DCAF1: variants seen among roughly 807,000 people sequenced by gnomAD.
DCAF1 encodes the protein DDB1- and CUL4-associated factor 1.
DCAF1 carries 15 observed loss-of-function variants against 128.0 expected under a neutral mutation model. The ratio of observed to expected loss-of-function variants is 0.12; its 90% confidence interval spans 0.08 to 0.18. The LOEUF (loss-of-function observed/expected upper bound fraction) is 0.18, where lower values mean the gene tolerates loss of function less well. Ranked by LOEUF, DCAF1 falls within the 10% of genes least tolerant of loss-of-function variation. The pLI, the probability that DCAF1 is intolerant of heterozygous loss-of-function variation, is 1.00. For missense variants in DCAF1, 988 were observed against 1,649.5 expected, an observed-to-expected ratio of 0.60 and a Z score of 6.95; for synonymous variants, 610 against 603.0, an observed-to-expected ratio of 1.01 and a Z score of -0.17.
chr3:51,436,479 T>C (rs1700844825), intron 9 of DCAF1: 1 of 514,954 alleles, frequency 1.9e-6, no homozygotes, highest in Non-Finnish European at 3.9e-6. Flanking sequence ...TCTTGTACTT[T>C]TCTTTCTTGC....
intron 13 of DCAF1, 61 bp downstream of exon 13, chr3:51,427,311 C>A: frequency 6.3e-6 from 4 of 636,322 alleles, no homozygotes; most frequent in South Asian, 4.1e-5. Flanking sequence ...ATGTGCAAAC[C>A]AACATCAACT....
At chr3:51,443,298 T>G (rs1553639390) in intron 7 of DCAF1, among the ~76,000 whole-genome samples, 2 of 152,068 alleles carry the variant, frequency 1.3e-5, no homozygotes, top group Non-Finnish European at 2.9e-5. Flanking sequence ...AGATTAAAAG[T>G]AGCTATTTTC....
At chr3:51,402,825 C>T (rs2106854542) in intron 24 of DCAF1, among the ~76,000 whole-genome samples, 1 of 152,270 alleles carries the variant, frequency 6.6e-6, no homozygotes, top group South Asian at 2.1e-4. Context: ...CCACCCGCCT[C>T]AGCCTCCAAA....
chr3:51,417,915 A>G (rs1284525609), intron 17 of DCAF1, among the ~76,000 whole-genome samples: 15 of 152,034 alleles, frequency 9.9e-5, no homozygotes, highest in Non-Finnish European at 1.5e-5. Context: ...CATAATGAGA[A>G]TGTATATACC....
At chr3:51,409,657 T>C (rs1698224320) in intron 23 of DCAF1, among the ~76,000 whole-genome samples, 1 of 152,218 alleles carries the variant, frequency 6.6e-6, no homozygotes, top group Admixed American at 6.5e-5. Context: ...CATACCATTG[T>C]AATGTACGCG....
intron 2 of DCAF1, among the ~76,000 whole-genome samples, chr3:51,493,671 CA>C (rs1470779892): frequency 2.0e-5 from 3 of 151,952 alleles, no homozygotes; most frequent in Non-Finnish European, 1.5e-5. Context: ...AAAGCAGACA[CA>C]AAAGGGCACA....
At chr3:51,427,719 AT>A in intron 12 of DCAF1, among the ~76,000 whole-genome samples, 178 bp from the exon 13 acceptor site, 1 of 152,130 alleles carries the variant, frequency 6.6e-6, no homozygotes, top group African/African-American at 2.4e-5. Context: ...TGTAGCCTCA[AT>A]CTCCCAGGCT....
intron 6 of DCAF1, among the ~76,000 whole-genome samples, chr3:51,462,243 G>A (rs1313924753): frequency 1.3e-5 from 2 of 151,816 alleles, no homozygotes; most frequent in African/African-American, 2.4e-5. Context: ...CCAACATGGT[G>A]AAACGCTGTC....
rs1292243860 is a variant in DCAF1, at chr3:51,403,160, T to G, written c.4448A>C (p.Glu1483Ala). 1 of 1,613,072 alleles carries G rather than the reference T, an allele frequency of 6.2e-7. No individual in the cohort carries two copies. The highest frequency in any genetic ancestry group is 8.5e-7 in the Non-Finnish European group (1 of 1,179,490). ...DEDSDADEEVELILGDTDSSD... is the reference protein window; with the variant it reads ...DEDSDADEEVALILGDTDSSD... Reference sequence around the variant, plus strand: ...ATACTTACTGTCCCCCAGGATCAGTTCCACCTCCTCATCTGCATCAGAGTC... The same window carrying G: ...ATACTTACTGTCCCCCAGGATCAGTGCCACCTCCTCATCTGCATCAGAGTC... The change falls in exon 24 of 25, where the codon GAA (glutamate) becomes GCA (alanine). Residue 1483 changes from glutamate (E) to alanine (A), a missense_variant. Coordinates refer to ENST00000684031, the MANE Select transcript of DCAF1 (RefSeq NM_001387579.1).
intron 2 of DCAF1, among the ~76,000 whole-genome samples, chr3:51,484,682 C>CT (rs1228009412): frequency 0.051 from 6,436 of 127,052 alleles, 558 homozygotes; most frequent in East Asian, 0.33. Flanking sequence ...TTAATTTTTT[C>CT]TTTTTTTTTT....
At chr3:51,471,032 C>T in intron 3 of DCAF1, 27 bp from the exon 4 acceptor site, 1 of 1,531,208 alleles carries the variant, frequency 6.5e-7, no homozygotes, top group Non-Finnish European at 8.9e-7. Flanking sequence ...AAGGGGTCAA[C>T]TCTGGACAAG....
At chr3:51,491,985 A>G (rs1707703002) in intron 2 of DCAF1, among the ~76,000 whole-genome samples, 2 of 151,644 alleles carry the variant, frequency 1.3e-5, no homozygotes, top group South Asian at 2.1e-4. Context: ...GTGAAACCCC[A>G]TCTCTACTAA....
chr3:51,439,157 C>CA (rs528820218), intron 9 of DCAF1, among the ~76,000 whole-genome samples: 93 of 152,070 alleles, frequency 6.1e-4, no homozygotes, highest in African/African-American at 2.2e-3. Flanking sequence ...TTTTCAGAGA[C>CA]AGAGTCTCAC....
intron 15 of DCAF1, among the ~76,000 whole-genome samples, chr3:51,419,466 A>G (rs900858923): frequency 6.6e-6 from 1 of 152,182 alleles, no homozygotes; most frequent in Non-Finnish European, 1.5e-5. Context: ...CAAGTTTGGG[A>G]GCCTCCTTAT....
rs762007523 is a variant in DCAF1, at chr3:51,422,405, T to C, written c.1874A>G (p.Asp625Gly). The C allele has an allele frequency of 1.4e-6, 1 of 730,012 alleles. No individual in the cohort carries two copies. Among genetic ancestry groups the C allele is most frequent in the East Asian group, 2.6e-5 (1 of 38,378 alleles). The allele number at this position is 730,012 out of a possible 1,614,324, so 45.2% of individuals were successfully genotyped here. Residue 625 changes from aspartate to glycine, a missense_variant, in exon 14 of 25, where the codon GAT (aspartate) becomes GGT (glycine). Physicochemically the swap from Asp to Gly is moderately conservative, Grantham distance 94. This residue lies in a region of DCAF1 where 185 missense variants were observed against 248.1 expected (regional missense o/e 0.75). Transcript: ENST00000684031. ...CACCACAGTAAGAATAGCCAGGACATCCAAAGCAAAGCGCACAGTGTCATT... is the reference window on the plus strand; with the variant it reads ...CACCACAGTAAGAATAGCCAGGACACCCAAAGCAAAGCGCACAGTGTCATT... ...ARNDTVRFAL[D>G]VLAILTVVPK...
chr3:51,452,708 C>T (rs187146630), intron 6 of DCAF1, among the ~76,000 whole-genome samples: 4 of 152,202 alleles, frequency 2.6e-5, no homozygotes, highest in South Asian at 2.1e-4. Context: ...TTTCAAAAAG[C>T]CCCGTTAAAT....
At chr3:51,465,365 G>A (rs187740237) in intron 5 of DCAF1, among the ~76,000 whole-genome samples, 9 of 152,310 alleles carry the variant, frequency 5.9e-5, no homozygotes, top group Admixed American at 5.9e-4. Context: ...CACCCAGAAG[G>A]AAATGTCTAG....
chr3:51,434,520 C>T (rs1181794710), intron 9 of DCAF1, among the ~76,000 whole-genome samples: 2 of 152,144 alleles, frequency 1.3e-5, no homozygotes, highest in Non-Finnish European at 2.9e-5. Flanking sequence ...ACTTTTGCAC[C>T]AACTTAATAG....
At chr3:51,448,896 A>G (rs1553640876) in intron 6 of DCAF1, among the ~76,000 whole-genome samples, 1 of 152,030 alleles carries the variant, frequency 6.6e-6, no homozygotes, top group Non-Finnish European at 1.5e-5. Flanking sequence ...TACACATAGA[A>G]CTTTTTCCAT....
Sources: gnomAD v4.1 joint callset for allele counts (sites outside exome capture counted in the v4.1 genomes callset) on GRCh38, gnomAD v4.1.1 for gene constraint, gnomAD v4.1.1 regional missense constraint, MANE v1.5 for transcripts, NCBI Gene and HGNC (gene_info 2026-07-23, HGNC 2026-07-21) for gene names.